Variants in ANKUB1 observed in about 807,000 individuals in gnomAD.
ANKUB1 encodes the protein protein ANKUB1.
A neutral mutation model predicts 49.3 loss-of-function variants in ANKUB1; 42 were observed. The observed-to-expected ratio is 0.85, with a 90% confidence interval of 0.67 to 1.10. The LOEUF (loss-of-function observed/expected upper bound fraction) is 1.10. Ranked by LOEUF, ANKUB1 falls within the 50% of genes least tolerant of loss-of-function variation. ANKUB1 has a pLI of 0.00. For missense variants in ANKUB1, 613 were observed against 642.0 expected (o/e 0.95, Z 0.49); for synonymous variants, 222 against 231.0 (o/e 0.96, Z 0.35).
intron 3 of ANKUB1, among the ~76,000 whole-genome samples, chr3:149,777,476 A>AAAC (rs34938958): frequency 0.11 from 16,386 of 150,874 alleles, 2,221 homozygotes; most frequent in East Asian, 0.75. Flanking sequence ...ACTCAAAAAC[A>AAAC]AACAACAACA....
At chr3:149,762,631 G>A (rs568569352) in intron 5 of ANKUB1, among the ~76,000 whole-genome samples, 12 of 152,054 alleles carry the variant, frequency 7.9e-5, no homozygotes, top group African/African-American at 2.7e-4. Context: ...TCTTTCCAAC[G>A]AGTCTTCCAT....
chr3:149,767,031 G>A, intron 5 of ANKUB1, 126 bp downstream of exon 5: 2 of 1,049,334 alleles, frequency 1.9e-6, no homozygotes, highest in Middle Eastern at 2.9e-4. Flanking sequence ...CTTGAAGCTG[G>A]GTATTGATGC....
chr3:149,777,500 C>CAAA lies in ANKUB1; in HGVS notation c.451+2736_451+2738dup, dbSNP rs1553743228. Among the ~76,000 whole-genome samples the CAAA allele has an allele frequency of 2.8e-3, 420 of 151,432 alleles. 8 individuals are homozygous for CAAA. The South Asian group carries it at 0.033, about 12-fold the overall frequency. ...CAAACAACAACAACAACAACAACAA[C>CAAA]AAAAAAACACTCCTGTTCCAGAAGG... On this transcript the variant is annotated intron_variant, in intron 3 of 5. Coordinates refer to ENST00000446160, the MANE Select transcript of ANKUB1 (RefSeq NM_001144960.3).
At position 149,767,861 on chromosome 3, in the gene ANKUB1, C is replaced by T. The variant is rs2108264606; in HGVS notation, c.801G>A (p.Leu267=). Residue 267 remains leucine, a synonymous_variant, in exon 5 of 6, where the codon CTG becomes CTA. Coordinates refer to ENST00000446160, the MANE Select transcript of ANKUB1 (RefSeq NM_001144960.3). The stretch of plus-strand genomic sequence containing the variant: ...TTTGTCCTGCTGCATTTTTGCATTC[C>T]AGGCACAGCACACTGTAGTTGACAA... ...KAFVNYSVLC[L]ECKNAAGQTP... 6.4e-7 allele frequency: 1 copy of T among 1,551,652 alleles called. No individual in the cohort carries two copies. The highest frequency in any genetic ancestry group is 8.7e-7 in the Non-Finnish European group (1 of 1,147,004).
At chr3:149,781,555 G>C (rs1229121932) in intron 2 of ANKUB1, among the ~76,000 whole-genome samples, 1 of 152,074 alleles carries the variant, frequency 6.6e-6, no homozygotes, top group African/African-American at 2.4e-5. Flanking sequence ...GTTCTTCAGG[G>C]GGCTCCAACC....
Position 149,761,480 on chromosome 3 carries a change from C to A in ANKUB1, c.*4G>T, listed in dbSNP as rs1432359674. On this transcript the variant is annotated 3_prime_UTR_variant, in exon 6 of 6. Coordinates refer to ENST00000446160, the MANE Select transcript of ANKUB1 (RefSeq NM_001144960.3). Reference sequence around the variant, plus strand: ...TTTGTCCAAACTGAAGTTGTCATGACTTTTCAAAGCACAGTTTCTAGAGAG... The same window carrying A: ...TTTGTCCAAACTGAAGTTGTCATGAATTTTCAAAGCACAGTTTCTAGAGAG... 5 of 1,551,074 alleles carry A rather than the reference C, an allele frequency of 3.2e-6. No individual in the cohort carries two copies. Among genetic ancestry groups the A allele is most frequent in the Non-Finnish European group, 4.4e-6 (5 of 1,146,638 alleles).
At chr3:149,790,990 T>G (rs1718335216) in intron 1 of ANKUB1, 66 bp from the exon 2 acceptor site, 1 of 1,425,866 alleles carries the variant, frequency 7.0e-7, no homozygotes, top group Admixed American at 2.7e-5. Context: ...AAATGTACTC[T>G]CTTTCCCTTT....
chr3:149,790,432 T>A (rs1481771781), intron 2 of ANKUB1, among the ~76,000 whole-genome samples: 2 of 152,210 alleles, frequency 1.3e-5, no homozygotes, highest in African/African-American at 4.8e-5. Flanking sequence ...GTAATCACTG[T>A]GGCCCCACCA....
chr3:149,768,087 T>G lies in ANKUB1; in HGVS notation c.575A>C (p.Lys192Thr), dbSNP rs1343716082. The G allele has an allele frequency of 1.5e-6, 2 of 1,366,968 alleles. No individual in the cohort carries two copies. The highest frequency in any genetic ancestry group is 9.5e-7 in the Non-Finnish European group (1 of 1,051,046). 84.7% of individuals were successfully genotyped at this position (1,366,968 alleles called of 1,614,324 possible). ...AGCAGCAATGTACAGGGCTACCCTT[T>G]TCTGATACCTAAATGAGTGAAACAA... ...SKEGPVLKYQ[K>T]RVALYIAAFC... Residue 192 changes from lysine to threonine, a missense_variant, in exon 5 of 6, where the codon AAA becomes ACA. Physicochemically the swap from Lys to Thr is moderately conservative, Grantham distance 78 (BLOSUM62 -1). Transcript: ENST00000446160.
intron 2 of ANKUB1, among the ~76,000 whole-genome samples, chr3:149,782,328 C>T (rs1717908429): frequency 6.6e-6 from 1 of 151,210 alleles, no homozygotes; most frequent in Admixed American, 6.6e-5. Flanking sequence ...CTTCTGGGCT[C>T]AAGCAGTCTC....
In ANKUB1 at chr3:149,767,373, A is replaced by AT. The variant is rs1314304040; in HGVS notation, c.1288dup (p.Ile430AsnfsTer6). 1.3e-6 allele frequency: 2 copies of AT among 1,550,672 alleles called. No homozygotes were observed. Among genetic ancestry groups the AT allele is most frequent in the East Asian group, 2.4e-5 (1 of 40,912 alleles). On this transcript the variant is annotated frameshift_variant, in exon 5 of 6. Transcript: ENST00000446160. LOFTEE classifies it high-confidence loss of function. ...TTCTTTTTTCCTAGCTGTGGCAGTA[A>AT]TTTTTTTCTGATTTTGTTGTTGATG...
intron 5 of ANKUB1, among the ~76,000 whole-genome samples, chr3:149,761,836 C>T (rs1349812189): frequency 2.0e-5 from 3 of 152,178 alleles, no homozygotes; most frequent in South Asian, 2.1e-4. Context: ...GAATCCACAA[C>T]TAGAAACAGA....
chr3:149,785,817 A>C (rs1002563156), intron 2 of ANKUB1, among the ~76,000 whole-genome samples: 12 of 152,060 alleles, frequency 7.9e-5, no homozygotes, highest in Non-Finnish European at 2.9e-5. Flanking sequence ...CCAGTTCTAG[A>C]TCCTTGAGGA....
At chr3:149,771,588 C>T (rs541570236) in intron 3 of ANKUB1, among the ~76,000 whole-genome samples, 2 of 152,322 alleles carry the variant, frequency 1.3e-5, no homozygotes, top group South Asian at 4.1e-4. Context: ...TATCCCATGA[C>T]TTTATTTTAA....
intron 2 of ANKUB1, 31 bp from the exon 3 acceptor site, chr3:149,780,486 G>T (rs1157164174): frequency 2.6e-6 from 4 of 1,516,350 alleles, no homozygotes; most frequent in Non-Finnish European, 3.6e-6. Flanking sequence ...GGAACTTATT[G>T]TCTGGAGGTT....
At position 149,776,995 on chromosome 3, in the gene ANKUB1, T is replaced by C. The variant is rs563113086; in HGVS notation, c.451+3244A>G. Among the ~76,000 whole-genome samples, 6 of 151,578 alleles carry C rather than the reference T, an allele frequency of 4.0e-5. No homozygotes were observed. The South Asian group carries it at 6.3e-4, about 16-fold the overall frequency. Reference sequence around the variant, plus strand: ...CTGTCTCAAAAAAAAAAAAGTGATCTAGCATGATGTTCTGTCCTGTTCTGC... The same window carrying C: ...CTGTCTCAAAAAAAAAAAAGTGATCCAGCATGATGTTCTGTCCTGTTCTGC... On this transcript the variant is annotated intron_variant, in intron 3 of 5. Transcript: ENST00000446160.
At chr3:149,769,735 T>G (rs1237303385) in intron 4 of ANKUB1, among the ~76,000 whole-genome samples, 1 of 152,230 alleles carries the variant, frequency 6.6e-6, no homozygotes, top group African/African-American at 2.4e-5. Context: ...CACTGGAAGT[T>G]TGGTTTCTAC....
chr3:149,778,247 A>AT (rs1717692116), intron 3 of ANKUB1: 1 of 152,226 alleles, frequency 6.6e-6, no homozygotes, highest in African/African-American at 2.4e-5. Flanking sequence ...ATGGTGGCCA[A>AT]AACAGCCTAC....
rs561838791 is a variant in ANKUB1, at chr3:149,790,818, C to A, written c.197G>T (p.Gly66Val). 1.9e-6 allele frequency: 3 copies of A among 1,551,860 alleles called. No individual in the cohort carries two copies. Among genetic ancestry groups the A allele is most frequent in the East Asian group, 4.9e-5 (2 of 40,894 alleles). The part of the protein sequence containing the change: ...LKDSWSLADV[G>V]ISFCSTLKCF... ...TTTGAGAGTTGAACAGAAAGATATT[C>A]CAACATCAGCAAGACTCCAACTGTC... Residue 66 changes from glycine to valine, a missense_variant, in exon 2 of 6, where the codon GGA becomes GTA. Coordinates refer to ENST00000446160, the MANE Select transcript of ANKUB1 (RefSeq NM_001144960.3).
Sources: allele counts gnomAD v4.1 joint callset (sites outside exome capture counted in the v4.1 genomes callset), GRCh38; gene constraint gnomAD v4.1.1; transcripts MANE v1.5; gene names NCBI Gene and HGNC (gene_info 2026-07-23, HGNC 2026-07-21).